The following RSRC1 variants were observed in gnomAD, a reference collection of about 807,000 sequenced individuals.
RSRC1 encodes arginine and serine rich coiled-coil 1, also known as serine/Arginine-related protein 53.
In RSRC1, 39 loss-of-function variants were observed where a neutral mutation model predicts 49.1. That is an observed-to-expected ratio of 0.79 (90% CI 0.61 to 1.04). The LOEUF is 1.04. Ranked by LOEUF, RSRC1 falls within the 50% of genes least tolerant of loss-of-function variation. The pLI is 0.00. For synonymous variants in RSRC1, 143 were observed against 130.8 expected (o/e 1.09, Z -0.63); for missense variants, 388 against 402.4 (o/e 0.96, Z 0.31).
At chr3:158,409,079 A>T (rs766370058) in intron 6 of RSRC1, among the ~76,000 whole-genome samples, 2 of 152,022 alleles carry the variant, frequency 1.3e-5, no homozygotes, top group Non-Finnish European at 2.9e-5. Flanking sequence ...GAGCTAAATG[A>T]TGAGAACACA....
chr3:158,362,434 G>A (rs1397526551), intron 6 of RSRC1, among the ~76,000 whole-genome samples: 2 of 152,174 alleles, frequency 1.3e-5, no homozygotes, highest in Non-Finnish European at 2.9e-5. Context: ...CATTTTAGCT[G>A]TTAATCTTTT....
chr3:158,224,992 A>G (rs16828800), intron 4 of RSRC1, among the ~76,000 whole-genome samples: 11,678 of 151,960 alleles, frequency 0.077, 547 homozygotes, highest in South Asian at 0.13. Context: ...GGTATATTCA[A>G]ATCTCTTTCA....
At chr3:158,218,692 A>G (rs935358280) in intron 4 of RSRC1, among the ~76,000 whole-genome samples, 1 of 151,558 alleles carries the variant, frequency 6.6e-6, no homozygotes, top group Non-Finnish European at 1.5e-5. Context: ...CTCTTTAGGT[A>G]TTTTACTTGG....
intron 6 of RSRC1, among the ~76,000 whole-genome samples, chr3:158,421,677 TA>T (rs1277398629): frequency 6.6e-6 from 1 of 151,746 alleles, no homozygotes; most frequent in Non-Finnish European, 1.5e-5. Context: ...AATGAAACTA[TA>T]AAATAAATAT....
intron 5 of RSRC1, among the ~76,000 whole-genome samples, chr3:158,298,708 TTGAG>T (rs1727372083): frequency 6.6e-6 from 1 of 152,148 alleles, no homozygotes; most frequent in African/African-American, 2.4e-5. Flanking sequence ...GCCCACTGTA[TTGAG>T]TGTTTATTAC....
At chr3:158,314,188 T>C (rs1728277910) in intron 5 of RSRC1, among the ~76,000 whole-genome samples, 1 of 152,104 alleles carries the variant, frequency 6.6e-6, no homozygotes, top group South Asian at 2.1e-4. Context: ...CCTCCCTGAT[T>C]CAAGCTATTC....
chr3:158,216,737 C>T (rs936827407), intron 4 of RSRC1, among the ~76,000 whole-genome samples: 3 of 151,634 alleles, frequency 2.0e-5, no homozygotes, highest in Non-Finnish European at 4.4e-5. Flanking sequence ...ATTTTATTAT[C>T]TCCCACATAC....
intron 6 of RSRC1, among the ~76,000 whole-genome samples, chr3:158,427,743 T>C (rs778181572): frequency 2.6e-5 from 4 of 151,800 alleles, no homozygotes; most frequent in Non-Finnish European, 5.9e-5. Context: ...TTTTTGCATC[T>C]AGTTTTCTAT....
intron 3 of RSRC1, among the ~76,000 whole-genome samples, chr3:158,177,729 A>C (rs957525498): frequency 6.6e-6 from 1 of 152,176 alleles, no homozygotes; most frequent in Non-Finnish European, 1.5e-5. Context: ...CCAACATGGC[A>C]CATGTATGCC....
intron 3 of RSRC1, among the ~76,000 whole-genome samples, chr3:158,201,361 G>A (rs935670582): frequency 6.6e-6 from 1 of 151,682 alleles, no homozygotes; most frequent in Admixed American, 6.6e-5. Context: ...ATCTTACTTG[G>A]TTTGTTGAAC....
At chr3:158,271,367 G>T (rs1431802154) in intron 4 of RSRC1, among the ~76,000 whole-genome samples, 3 of 152,082 alleles carry the variant, frequency 2.0e-5, no homozygotes, top group African/African-American at 7.2e-5. Flanking sequence ...ATAATAAGTT[G>T]TGATTCATAC....
At chr3:158,184,294 AC>A (rs771379693) in intron 3 of RSRC1, among the ~76,000 whole-genome samples, 7 of 147,582 alleles carry the variant, frequency 4.7e-5, no homozygotes, top group African/African-American at 1.2e-4. Flanking sequence ...AAAAAAAAAA[AC>A]AAAACCTAGA....
At chr3:158,447,084 G>A (rs557081934) in intron 6 of RSRC1, among the ~76,000 whole-genome samples, 9 of 152,162 alleles carry the variant, frequency 5.9e-5, no homozygotes, top group Non-Finnish European at 1.0e-4. Context: ...TATTAAAAGT[G>A]CATTTAAAAC....
chr3:158,465,397 T>A (rs571340637), intron 7 of RSRC1, among the ~76,000 whole-genome samples: 1 of 152,094 alleles, frequency 6.6e-6, no homozygotes, highest in African/African-American at 2.4e-5. Context: ...AGAACTGTTA[T>A]AATCCCTTCT....
At chr3:158,477,123 T>C (rs144212689) in intron 7 of RSRC1, among the ~76,000 whole-genome samples, 97 of 152,284 alleles carry the variant, frequency 6.4e-4, no homozygotes, top group African/African-American at 2.3e-3. Flanking sequence ...GAGTAGTTGC[T>C]TCTTATGGAT....
intron 6 of RSRC1, among the ~76,000 whole-genome samples, chr3:158,416,866 G>C (rs543135044): frequency 8.6e-5 from 13 of 151,930 alleles, no homozygotes; most frequent in African/African-American, 2.9e-4. Flanking sequence ...AAGCCAATTA[G>C]TATTTTCTGC....
Position 158,460,959 on chromosome 3 carries a change from C to T in RSRC1, c.608C>T (p.Ala203Val). 6.3e-7 allele frequency: 1 copy of T among 1,592,770 alleles called. No homozygotes were observed. Among genetic ancestry groups the T allele is most frequent in the Non-Finnish European group, 8.6e-7 (1 of 1,167,496 alleles). The change falls in exon 7 of 10, where the codon GCC becomes GTC. Residue 203 changes from alanine (A) to valine (V), a missense_variant. Transcript: ENST00000611884. ...GCAAAAGCTGATGAAGCATTGAAAGCCAAAGAAAGAAATGAGGAAGAAGCA... is the reference window on the plus strand; with the variant it reads ...GCAAAAGCTGATGAAGCATTGAAAGTCAAAGAAAGAAATGAGGAAGAAGCA... ...AAAKADEALK[A>V]KERNEEEAKR...
At chr3:158,479,700 A>G (rs905055584) in intron 7 of RSRC1, among the ~76,000 whole-genome samples, 1 of 152,032 alleles carries the variant, frequency 6.6e-6, no homozygotes, top group African/African-American at 2.4e-5. Flanking sequence ...TAATGATGTC[A>G]CTACACTAAA....
intron 6 of RSRC1, among the ~76,000 whole-genome samples, chr3:158,448,051 T>C (rs573592215): frequency 6.6e-6 from 1 of 152,048 alleles, no homozygotes; most frequent in South Asian, 2.1e-4. Flanking sequence ...GGAATAATTC[T>C]GTAGCTCCAA....
Sources: gnomAD v4.1 joint callset for allele counts (sites outside exome capture counted in the v4.1 genomes callset) on GRCh38, gnomAD v4.1.1 for gene constraint, MANE v1.5 for transcripts, NCBI Gene and HGNC (gene_info 2026-07-23, HGNC 2026-07-21) for gene names.